The following MILR1 variants were observed in gnomAD, a reference collection of about 807,000 sequenced individuals.
The protein encoded by MILR1 is allergin-1.
In MILR1, 31 loss-of-function variants were observed where a neutral mutation model predicts 18.5. The observed-to-expected ratio is 1.68, with a 90% CI of 1.26 to 2.26. MILR1 has a LOEUF of 2.26. Among genes scored for constraint, MILR1 ranks in the 30% most tolerant of loss-of-function variants. The probability of loss-of-function intolerance (pLI) is 0.00; values close to 1 mark genes in which losing one functional copy is unlikely to be tolerated. For synonymous variants in MILR1, 85 were observed against 56.2 expected, an observed-to-expected ratio of 1.51 and a Z score of -2.30; for missense variants, 257 against 157.4, an observed-to-expected ratio of 1.63 and a Z score of -3.38.
At position 64,468,569 on chromosome 17, in the gene MILR1, C is replaced by T. The variant is rs2037634938; in HGVS notation, c.*288C>T. 8.8e-7 allele frequency: 1 copy of T among 1,140,186 alleles called. No homozygotes were observed. Among genetic ancestry groups the T allele is most frequent in the Non-Finnish European group, 1.1e-6 (1 of 916,242 alleles). The allele number at this position is 1,140,186 out of a possible 1,614,324, so 70.6% of individuals were successfully genotyped here. The stretch of plus-strand genomic sequence containing the variant: ...CTCCCAAAGTGCTGGAACTACAAGC[C>T]TGAGCCACCGTGCCCGGCCCTGAAT... On this transcript the variant is annotated 3_prime_UTR_variant, in exon 10 of 10. Coordinates refer to ENST00000619286, the MANE Select transcript of MILR1 (RefSeq NM_001085423.2).
chr17:64,469,993 G>A (rs1054559191), downstream of MILR1, among the ~76,000 whole-genome samples: 2 of 152,174 alleles, frequency 1.3e-5, no homozygotes, highest in Non-Finnish European at 2.9e-5. Context: ...AGGGGACAAC[G>A]AGGAGTGACT....
downstream of MILR1, among the ~76,000 whole-genome samples, chr17:64,473,373 G>C (rs1479312295): frequency 6.7e-6 from 1 of 148,928 alleles, no homozygotes; most frequent in Non-Finnish European, 1.5e-5. Context: ...AAAAGAAGAA[G>C]TTATCTTTTC....
chr17:64,460,676 G>C, intron 4 of MILR1, 146 bp from the exon 5 acceptor site: 1 of 375,846 alleles, frequency 2.7e-6, no homozygotes, highest in Non-Finnish European at 4.9e-6. Context: ...AGTCCCGTGA[G>C]TTTTAGATGT....
the MILR1 span, chr17:64,481,317 A>C: frequency 1.0e-6 from 1 of 985,252 alleles, no homozygotes; most frequent in Non-Finnish European, 1.2e-6. Flanking sequence ...ATCTTCCCAG[A>C]CCTCTCCACA....
chr17:64,477,139 T>C, the MILR1 span, among the ~76,000 whole-genome samples: 1 of 152,216 alleles, frequency 6.6e-6, no homozygotes, highest in Non-Finnish European at 1.5e-5. Flanking sequence ...TCTGACAGTA[T>C]AGATGTGGCA....
chr17:64,485,653 G>A, the MILR1 span: 300 of 1,146,218 alleles, frequency 2.6e-4, 1 homozygote, highest in South Asian at 3.0e-3. Flanking sequence ...GTTAGAAACC[G>A]AGCACACTAA....
intron 5 of MILR1, among the ~76,000 whole-genome samples, chr17:64,463,152 A>T (rs1347400016): frequency 1.3e-5 from 2 of 152,194 alleles, no homozygotes; most frequent in Non-Finnish European, 2.9e-5. Flanking sequence ...CAATGTTATT[A>T]GAAGCCTCAG....
chr17:64,461,909 G>T (rs1162950041), intron 5 of MILR1, among the ~76,000 whole-genome samples: 21 of 152,220 alleles, frequency 1.4e-4, no homozygotes, highest in Admixed American at 9.2e-4. Context: ...TGTCCTCAAG[G>T]TTCATCCATG....
At chr17:64,477,086 T>A in the MILR1 span, among the ~76,000 whole-genome samples, 2 of 152,210 alleles carry the variant, frequency 1.3e-5, no homozygotes, top group African/African-American at 4.8e-5. Context: ...AATCCGTAAA[T>A]ACTCTAAGTT....
the MILR1 span, among the ~76,000 whole-genome samples, chr17:64,475,022 T>C: frequency 6.0e-5 from 9 of 149,932 alleles, no homozygotes; most frequent in African/African-American, 1.5e-4. Context: ...GGTGAAACTT[T>C]ACTAAAAATA....
the MILR1 span, among the ~76,000 whole-genome samples, chr17:64,476,133 A>G: frequency 6.6e-6 from 1 of 151,956 alleles, no homozygotes; most frequent in Non-Finnish European, 1.5e-5. Context: ...ATCTCCCACC[A>G]CTTAAAAAAG....
At chr17:64,486,258 C>T in the MILR1 span, among the ~76,000 whole-genome samples, 4 of 152,054 alleles carry the variant, frequency 2.6e-5, no homozygotes, top group Non-Finnish European at 5.9e-5. Flanking sequence ...AGATTCTGAA[C>T]GAACTCAACT....
At chr17:64,492,451 T>C in the MILR1 span, among the ~76,000 whole-genome samples, 1 of 152,210 alleles carries the variant, frequency 6.6e-6, no homozygotes, top group South Asian at 2.1e-4. Context: ...ACAGAAAGGC[T>C]AATTAACAAA....
At chr17:64,467,297 A>T (rs1488871652) in intron 8 of MILR1, among the ~76,000 whole-genome samples, 9 of 149,252 alleles carry the variant, frequency 6.0e-5, no homozygotes, top group Non-Finnish European at 1.3e-4. Context: ...TTGGATAGAG[A>T]CAAGTATCTT....
chr17:64,488,856 T>C, the MILR1 span, among the ~76,000 whole-genome samples: 1 of 152,152 alleles, frequency 6.6e-6, no homozygotes, highest in South Asian at 2.1e-4. Flanking sequence ...TAGTCCTAGC[T>C]ACTCAGGAGG....
At chr17:64,483,528 AC>A in the MILR1 span, among the ~76,000 whole-genome samples, 1 of 150,844 alleles carries the variant, frequency 6.6e-6, no homozygotes, top group African/African-American at 2.4e-5. Context: ...AAAAAAAAAA[AC>A]AAATTAACTT....
intron 5 of MILR1, among the ~76,000 whole-genome samples, chr17:64,462,103 G>A (rs2037444689): frequency 6.6e-6 from 1 of 152,066 alleles, no homozygotes. Context: ...TAAACAAGAG[G>A]CCCTTTTCCT....
the MILR1 span, chr17:64,496,837 C>A: frequency 1.9e-6 from 3 of 1,613,758 alleles, no homozygotes; most frequent in Non-Finnish European, 2.5e-6. Context: ...CGTGCGACTT[C>A]ACATGCCCTC....
At chr17:64,484,521 C>A in the MILR1 span, among the ~76,000 whole-genome samples, 2 of 152,104 alleles carry the variant, frequency 1.3e-5, no homozygotes. Flanking sequence ...AGGAGCAACA[C>A]AACATGCACC....
Sources: allele counts gnomAD v4.1 joint callset (sites outside exome capture counted in the v4.1 genomes callset), GRCh38; gene constraint gnomAD v4.1.1; transcripts MANE v1.5; gene names NCBI Gene and HGNC (gene_info 2026-07-23, HGNC 2026-07-21).